The following STAU1 variants were observed in gnomAD, a reference collection of about 807,000 sequenced individuals.
The protein encoded by STAU1 is double-stranded RNA-binding protein Staufen homolog 1.
Under a neutral mutation model 62.9 loss-of-function variants are expected in STAU1, and 13 were observed. That is an observed-to-expected ratio of 0.21 (90% CI 0.13 to 0.33). The LOEUF (loss-of-function observed/expected upper bound fraction) is 0.33. Ranked by LOEUF, STAU1 falls within the 10% of genes least tolerant of loss-of-function variation. The pLI, the probability that STAU1 is intolerant of heterozygous loss-of-function variation, is 1.00. For synonymous variants in STAU1, 269 were observed against 265.1 expected (o/e 1.01, Z -0.14); for missense variants, 571 against 712.1 (o/e 0.80, Z 2.25).
chr20:49,156,546 G>A (rs1187385066), intron 3 of STAU1, among the ~76,000 whole-genome samples: 3 of 152,198 alleles, frequency 2.0e-5, no homozygotes, highest in Non-Finnish European at 4.4e-5. Context: ...CAAAAGGGCT[G>A]ACTATGGGCT....
At chr20:49,196,356 A>G in the STAU1 span, among the ~76,000 whole-genome samples, 2 of 151,062 alleles carry the variant, frequency 1.3e-5, no homozygotes, top group African/African-American at 4.9e-5. Flanking sequence ...GAATGGCGTG[A>G]ACCCCGGGGG....
intron 2 of STAU1, among the ~76,000 whole-genome samples, chr20:49,172,021 T>TA (rs1372482150): frequency 6.6e-6 from 1 of 151,658 alleles, no homozygotes; most frequent in East Asian, 1.9e-4. Flanking sequence ...ACAGTAAAAT[T>TA]AACCAAAAAT....
chr20:49,119,462 A>G (rs1226226247), intron 9 of STAU1, among the ~76,000 whole-genome samples: 1 of 152,158 alleles, frequency 6.6e-6, no homozygotes, highest in Non-Finnish European at 1.5e-5. Flanking sequence ...CCTGGCCGTG[A>G]ATTTTTCAAC....
At chr20:49,202,904 G>A in the STAU1 span, among the ~76,000 whole-genome samples, 2 of 150,004 alleles carry the variant, frequency 1.3e-5, no homozygotes, top group Non-Finnish European at 3.0e-5. Flanking sequence ...AGCCAGCAAG[G>A]TGGTACGCCT....
chr20:49,175,571 C>G (rs2093649403), intron 1 of STAU1, among the ~76,000 whole-genome samples: 1 of 151,904 alleles, frequency 6.6e-6, no homozygotes, highest in African/African-American at 2.4e-5. Context: ...CCTCCGCCTC[C>G]CGGGTTCAAG....
chr20:49,181,054 T>C (rs996731059), intron 1 of STAU1, among the ~76,000 whole-genome samples: 4 of 152,210 alleles, frequency 2.6e-5, no homozygotes, highest in Admixed American at 6.5e-5. Flanking sequence ...CTGAGCCAGT[T>C]ATCTGGCCCC....
chr20:49,152,337 T>C (rs890272494), intron 4 of STAU1, among the ~76,000 whole-genome samples: 1 of 118,214 alleles, frequency 8.5e-6, no homozygotes, highest in Non-Finnish European at 1.7e-5. Flanking sequence ...TATCCACTAA[T>C]GTCTTTTTTT....
At chr20:49,153,897 T>C in intron 4 of STAU1, 36 bp downstream of exon 4, 1 of 1,527,652 alleles carries the variant, frequency 6.5e-7, no homozygotes, top group Non-Finnish European at 8.7e-7. Context: ...CGTTTTCTCC[T>C]GTATTTTACA....
intron 12 of STAU1, among the ~76,000 whole-genome samples, chr20:49,116,799 G>T (rs1158778153): frequency 6.6e-6 from 1 of 152,134 alleles, no homozygotes; most frequent in Non-Finnish European, 1.5e-5. Context: ...GCCAGAACGT[G>T]GACCTGCAAT....
the STAU1 span, among the ~76,000 whole-genome samples, chr20:49,215,875 G>A: frequency 6.6e-6 from 1 of 151,806 alleles, no homozygotes. Context: ...GGGTGTGGTG[G>A]CACATGCCTA....
rs34891670 is a variant in STAU1, at chr20:49,128,773, C to CAAA, written c.610-4189_610-4187dup. On this transcript the variant is annotated intron_variant, in intron 6 of 13. Transcript: ENST00000371856. ...GCAGGCACAATTAGACATCCAAATCCAAAAAAAAAAAAAAAAAAAAGACAA... is the reference window on the plus strand; with the variant it reads ...GCAGGCACAATTAGACATCCAAATCCAAAAAAAAAAAAAAAAAAAAAAAGACAA... 1.8e-4 allele frequency among the ~76,000 whole-genome samples: 18 copies of CAAA among 102,630 alleles called. 1 individual carries two copies. The highest frequency in any genetic ancestry group is 4.5e-4 in the African/African-American group (12 of 26,434). 67.3% of individuals were successfully genotyped at this position (102,630 alleles called of 152,430 possible). A position where few individuals can be genotyped will look rare whatever the true frequency, so the allele number is the denominator to read the frequency against.
At chr20:49,127,037 A>G (rs2092642748) in intron 6 of STAU1, among the ~76,000 whole-genome samples, 1 of 152,160 alleles carries the variant, frequency 6.6e-6, no homozygotes, top group Non-Finnish European at 1.5e-5. Flanking sequence ...TATCCACCAT[A>G]AAGAAAAAAG....
intron 1 of STAU1, among the ~76,000 whole-genome samples, chr20:49,183,197 G>C (rs1377821708): frequency 6.6e-6 from 1 of 152,170 alleles, no homozygotes. Context: ...TATAGGTCTA[G>C]TGTGAAACAA....
chr20:49,129,181 A>G (rs1030390818), intron 6 of STAU1, among the ~76,000 whole-genome samples: 7 of 150,970 alleles, frequency 4.6e-5, no homozygotes, highest in African/African-American at 1.7e-4. Flanking sequence ...AAATAAAAAC[A>G]CGAAAAGAAG....
chr20:49,194,037 T>G, the STAU1 span, among the ~76,000 whole-genome samples: 2 of 152,262 alleles, frequency 1.3e-5, no homozygotes, highest in East Asian at 1.9e-4. Context: ...ATAAATACTT[T>G]GAGACAACAA....
intron 2 of STAU1, among the ~76,000 whole-genome samples, chr20:49,173,614 A>G (rs922779179): frequency 6.6e-6 from 1 of 152,252 alleles, no homozygotes; most frequent in African/African-American, 2.4e-5. Flanking sequence ...ATGGTACAGC[A>G]ATGTGCTTTC....
rs369229925 is a variant in STAU1 at position 49,126,818 on chromosome 20, A to T, written c.610-2231T>A. Among the ~76,000 whole-genome samples the T allele has an allele frequency of 1.1e-4, 16 of 151,950 alleles. No homozygotes were observed. The East Asian group carries it at 2.9e-3, about 28-fold the overall frequency. ...CACCAAAACAAATTAAAAATCTCTTAAAAAAATAGTACCAGAGCAACTAAC... is the reference window on the plus strand; with the variant it reads ...CACCAAAACAAATTAAAAATCTCTTTAAAAAATAGTACCAGAGCAACTAAC... On this transcript the variant is annotated intron_variant, in intron 6 of 13. Transcript: ENST00000371856.
chr20:49,154,144 A>C (rs1355985783), intron 3 of STAU1, 73 bp from the exon 4 acceptor site: 16 of 1,450,412 alleles, frequency 1.1e-5, no homozygotes, highest in Non-Finnish European at 1.4e-5. Context: ...AAAATGTAAT[A>C]GCATGCTTTC....
intron 7 of STAU1, among the ~76,000 whole-genome samples, chr20:49,123,671 T>A (rs1285953508): frequency 1.3e-5 from 2 of 152,160 alleles, no homozygotes; most frequent in African/African-American, 4.8e-5. Context: ...AAGAAGAACC[T>A]CAGAATCCCA....
Sources: gnomAD v4.1 joint callset for allele counts (sites outside exome capture counted in the v4.1 genomes callset) on GRCh38, gnomAD v4.1.1 for gene constraint, MANE v1.5 for transcripts, NCBI Gene and HGNC (gene_info 2026-07-23, HGNC 2026-07-21) for gene names.